The following TRIO variants were observed in gnomAD, a reference collection of about 807,000 sequenced individuals.
TRIO encodes trio Rho guanine nucleotide exchange factor.
Under a neutral mutation model 351.9 loss-of-function variants are expected in TRIO, and 58 were observed. The ratio of observed to expected loss-of-function variants is 0.16; its 90% CI spans 0.13 to 0.21. The LOEUF (loss-of-function observed/expected upper bound fraction) is 0.21. Ranked by LOEUF, TRIO falls within the 10% of genes least tolerant of loss-of-function variation. TRIO has a pLI of 1.00. For synonymous variants in TRIO, 1,758 were observed against 1,595.7 expected (o/e 1.10, Z -2.42); for missense variants, 3,201 against 4,027.8 (o/e 0.79, Z 5.56).
chr5:14,456,409 G>A (rs1227892009), intron 34 of TRIO, among the ~76,000 whole-genome samples: 1 of 152,244 alleles, frequency 6.6e-6, no homozygotes, highest in Non-Finnish European at 1.5e-5. Flanking sequence ...CCGCCAGCAT[G>A]TTGTCACCTC....
intron 1 of TRIO, among the ~76,000 whole-genome samples, chr5:14,216,002 T>C (rs1029634566): frequency 6.6e-6 from 1 of 152,226 alleles, no homozygotes; most frequent in Non-Finnish European, 1.5e-5. Flanking sequence ...GCCTTCTCTG[T>C]GCGTTAGTTT....
At chr5:14,425,392 C>G (rs1396147522) in intron 34 of TRIO, among the ~76,000 whole-genome samples, 1 of 152,162 alleles carries the variant, frequency 6.6e-6, no homozygotes, top group Non-Finnish European at 1.5e-5. Flanking sequence ...AATTTCCTTT[C>G]TTTTTAAGGC....
intron 34 of TRIO, among the ~76,000 whole-genome samples, chr5:14,426,291 CAT>C (rs1366819618): frequency 5.3e-5 from 8 of 152,178 alleles, no homozygotes; most frequent in Non-Finnish European, 1.2e-4. Flanking sequence ...CATCAGGTAA[CAT>C]AGGGGCTTTT....
intron 34 of TRIO, among the ~76,000 whole-genome samples, chr5:14,450,266 G>A (rs1458964802): frequency 6.6e-6 from 1 of 152,226 alleles, no homozygotes; most frequent in African/African-American, 2.4e-5. Context: ...TGGGGAGACT[G>A]CAGTGTGTTC....
At chr5:14,422,636 C>T (rs1400252395) in intron 34 of TRIO, among the ~76,000 whole-genome samples, 3 of 152,134 alleles carry the variant, frequency 2.0e-5, no homozygotes, top group African/African-American at 2.4e-5. Flanking sequence ...GGAAGTCTGT[C>T]GGACACTGAG....
intron 33 of TRIO, among the ~76,000 whole-genome samples, chr5:14,408,339 C>T (rs115491012): frequency 0.022 from 3,295 of 152,074 alleles, 103 homozygotes; most frequent in African/African-American, 0.076. Flanking sequence ...TTTTTTTTCT[C>T]ATTATACTTT....
chr5:14,338,015 T>G (rs1017831283), intron 11 of TRIO, among the ~76,000 whole-genome samples: 1 of 152,230 alleles, frequency 6.6e-6, no homozygotes, highest in African/African-American at 2.4e-5. Context: ...TTGAAAATTC[T>G]TAACAAAAGA....
intron 13 of TRIO, among the ~76,000 whole-genome samples, chr5:14,362,190 C>T (rs1198893557): frequency 6.6e-6 from 1 of 152,214 alleles, no homozygotes; most frequent in Non-Finnish European, 1.5e-5. Context: ...GCCTGTCCCA[C>T]AGATTCAGCA....
intron 29 of TRIO, among the ~76,000 whole-genome samples, chr5:14,398,611 C>T (rs888042672): frequency 1.3e-5 from 2 of 152,018 alleles, no homozygotes; most frequent in Non-Finnish European, 2.9e-5. Flanking sequence ...TGCAGAGGCC[C>T]ACCAGAGGGA....
At chr5:14,316,491 C>G in intron 8 of TRIO, 22 bp from the exon 9 acceptor site, 1 of 1,612,418 alleles carries the variant, frequency 6.2e-7, no homozygotes, top group Non-Finnish European at 8.5e-7. Context: ...CGTGAAGAAT[C>G]ACTCATTTCT....
intron 10 of TRIO, among the ~76,000 whole-genome samples, chr5:14,335,376 G>T (rs1358056794): frequency 6.6e-6 from 1 of 152,096 alleles, no homozygotes; most frequent in Non-Finnish European, 1.5e-5. Flanking sequence ...GTTTCTCAAG[G>T]GAAACCCAAA....
Position 14,487,255 on chromosome 5 carries a change from CG to C in TRIO, c.6836-207del, listed in dbSNP as rs202160652. ...TTAGTCCGGGATGTGCTGAGGAATG[CG>C]GCCCCTTCCACCCGCTGCACTCAGC... On this transcript the variant is annotated intron_variant, in intron 47 of 56. Coordinates refer to ENST00000344204, the MANE Select transcript of TRIO (RefSeq NM_007118.4). Among the ~76,000 whole-genome samples, 1,800 of 152,206 alleles carry C rather than the reference CG, an allele frequency of 0.012. 19 individuals carry two copies. The highest frequency in any genetic ancestry group is 0.02 in the Non-Finnish European group (1,331 of 67,998).
chr5:14,384,602 G>A (rs1472056742), intron 21 of TRIO, among the ~76,000 whole-genome samples: 1 of 151,690 alleles, frequency 6.6e-6, no homozygotes, highest in African/African-American at 2.4e-5. Flanking sequence ...AATTAAGTTG[G>A]ATTTATATCT....
At chr5:14,167,173 A>G (rs1233994586) in intron 1 of TRIO, among the ~76,000 whole-genome samples, 1 of 151,028 alleles carries the variant, frequency 6.6e-6, no homozygotes, top group Non-Finnish European at 1.5e-5. Context: ...TGGTGTTTCT[A>G]TTATGTGTTA....
chr5:14,280,476 T>C, intron 3 of TRIO, 40 bp downstream of exon 3: 1 of 1,542,252 alleles, frequency 6.5e-7, no homozygotes, highest in Non-Finnish European at 9.0e-7. Flanking sequence ...TGATGTCACA[T>C]TTACAAGAGA....
At chr5:14,402,756 G>T (rs941052702) in intron 31 of TRIO, among the ~76,000 whole-genome samples, 4 of 151,194 alleles carry the variant, frequency 2.6e-5, no homozygotes, top group African/African-American at 9.7e-5. Flanking sequence ...TATAGATGGT[G>T]GTGGCATAGA....
In TRIO at chr5:14,144,644, C is replaced by CA. The variant is rs1282725873; in HGVS notation, c.157+762_157+763insA. Among the ~76,000 whole-genome samples, 5 of 151,942 alleles carry CA rather than the reference C, an allele frequency of 3.3e-5. No individual in the cohort carries two copies. The East Asian group carries it at 9.8e-4, about 30-fold the overall frequency. Reference sequence around the variant, plus strand: ...TGTGTGGGTGGCGTGGAGGTGGAGGCGGTGCCAGGTGGCCCCGAGTCCACC... The same window carrying CA: ...TGTGTGGGTGGCGTGGAGGTGGAGGCAGGTGCCAGGTGGCCCCGAGTCCACC... On this transcript the variant is annotated intron_variant, in intron 1 of 56. Transcript: ENST00000344204.
At chr5:14,156,393 T>C (rs552923153) in intron 1 of TRIO, among the ~76,000 whole-genome samples, 1 of 152,280 alleles carries the variant, frequency 6.6e-6, no homozygotes, top group African/African-American at 2.4e-5. Context: ...GGCCTCTCAG[T>C]AGACAGAGCT....
At chr5:14,321,142 A>G (rs1198523996) in intron 9 of TRIO, among the ~76,000 whole-genome samples, 1 of 152,278 alleles carries the variant, frequency 6.6e-6, no homozygotes, top group Admixed American at 6.5e-5. Context: ...GAGGGCTACT[A>G]GGAATATCTT....
Sources: allele counts gnomAD v4.1 joint callset (sites outside exome capture counted in the v4.1 genomes callset), GRCh38; gene constraint gnomAD v4.1.1; transcripts MANE v1.5; gene names NCBI Gene and HGNC (gene_info 2026-07-23, HGNC 2026-07-21).